The following NEBL variants were observed in gnomAD, a reference collection of about 807,000 sequenced individuals.
NEBL encodes nebulette.
Under a neutral mutation model 140.2 loss-of-function variants are expected in NEBL, and 122 were observed. The observed-to-expected ratio is 0.87, with a 90% CI of 0.75 to 1.01. The LOEUF is 1.01. Among genes scored for constraint, NEBL ranks in the 50% least tolerant of loss-of-function variants. The pLI is 0.00. For missense variants in NEBL, 1,365 were observed against 1,231.3 expected, an observed-to-expected ratio of 1.11 and a Z score of -1.62; for synonymous variants, 436 against 398.9, an observed-to-expected ratio of 1.09 and a Z score of -1.11.
intron 3 of NEBL, among the ~76,000 whole-genome samples, chr10:20,984,509 C>T (rs10508637): frequency 0.19 from 29,613 of 152,040 alleles, 3,307 homozygotes; most frequent in East Asian, 0.46. Flanking sequence ...CAGGTTTTGA[C>T]AATGAGATGT....
intron 4 of NEBL, among the ~76,000 whole-genome samples, chr10:20,944,588 T>G (rs1470193035): frequency 6.6e-6 from 1 of 152,180 alleles, no homozygotes; most frequent in Non-Finnish European, 1.5e-5. Flanking sequence ...GGCATACATA[T>G]TTATATGGGT....
At chr10:21,140,204 G>A (rs1394324100) in intron 2 of NEBL, among the ~76,000 whole-genome samples, 1 of 151,926 alleles carries the variant, frequency 6.6e-6, no homozygotes, top group Non-Finnish European at 1.5e-5. Flanking sequence ...TGTATGGAAT[G>A]GTTGAGAATC....
chr10:21,195,208 C>G (rs1841629308), intron 3 of NEBL, among the ~76,000 whole-genome samples: 1 of 152,156 alleles, frequency 6.6e-6, no homozygotes. Flanking sequence ...TCAGTAGATA[C>G]AGTCATCCTT....
chr10:21,221,017 G>A (rs12355581), intron 3 of NEBL, among the ~76,000 whole-genome samples: 21,377 of 152,044 alleles, frequency 0.14, 2,108 homozygotes, highest in African/African-American at 0.28. Flanking sequence ...TTAGCCAGGC[G>A]TAGTGGCATG....
At chr10:20,902,538 T>C (rs915383015) in intron 4 of NEBL, among the ~76,000 whole-genome samples, 1 of 151,938 alleles carries the variant, frequency 6.6e-6, no homozygotes, top group Non-Finnish European at 1.5e-5. Flanking sequence ...AAACTGGAAA[T>C]AGTATGGGGC....
At position 21,131,401 on chromosome 10, in the gene NEBL, A is replaced by G. The variant is rs11814556; in HGVS notation, c.164+40982T>C. ...CCTAACTCATTCTTACGACACCCTCATTGCCCTAATGCCAAAACCAGACCG... is the reference window on the plus strand; with the variant it reads ...CCTAACTCATTCTTACGACACCCTCGTTGCCCTAATGCCAAAACCAGACCG... On this transcript the variant is annotated intron_variant, in intron 2 of 6. Transcript: ENST00000417816. Among the ~76,000 whole-genome samples, 952 of 152,288 alleles carry G rather than the reference A, an allele frequency of 6.3e-3. 16 individuals are homozygous for G. The highest frequency in any genetic ancestry group is 0.019 in the African/African-American group (801 of 41,568).
intron 2 of NEBL, among the ~76,000 whole-genome samples, chr10:21,114,236 A>G (rs1838176029): frequency 6.6e-6 from 1 of 152,064 alleles, no homozygotes; most frequent in African/African-American, 2.4e-5. Flanking sequence ...GATTATCCAG[A>G]TATCTTTCTG....
At chr10:21,244,991 TAA>T (rs35172520) in intron 3 of NEBL, among the ~76,000 whole-genome samples, 20 of 118,260 alleles carry the variant, frequency 1.7e-4, no homozygotes, top group Middle Eastern at 6.7e-3. Context: ...ATGCTGTCTC[TAA>T]AAAAAAAAAA....
chr10:21,003,880 A>T (rs540083094), intron 3 of NEBL, among the ~76,000 whole-genome samples: 1 of 152,230 alleles, frequency 6.6e-6, no homozygotes, highest in Non-Finnish European at 1.5e-5. Flanking sequence ...TATGAAAGGG[A>T]ATAAAAAATA....
intron 3 of NEBL, among the ~76,000 whole-genome samples, chr10:20,970,759 C>G (rs1336720221): frequency 6.6e-6 from 1 of 152,132 alleles, no homozygotes; most frequent in African/African-American, 2.4e-5. Flanking sequence ...GTCCATTTCA[C>G]AGATGAAGGA....
chr10:21,022,208 C>T (rs1838826619), intron 2 of NEBL, among the ~76,000 whole-genome samples: 1 of 152,182 alleles, frequency 6.6e-6, no homozygotes, highest in South Asian at 2.1e-4. Flanking sequence ...CAAAGAACAT[C>T]CTCCCTGTTT....
intron 26 of NEBL, among the ~76,000 whole-genome samples, chr10:20,790,591 ACT>A (rs1835867413): frequency 6.7e-6 from 1 of 150,062 alleles, no homozygotes; most frequent in African/African-American, 2.5e-5. Flanking sequence ...ACAGAGTGAA[ACT>A]CTGTCTCAAA....
intron 4 of NEBL, among the ~76,000 whole-genome samples, chr10:20,918,360 A>C (rs1833409659): frequency 6.6e-6 from 1 of 152,030 alleles, no homozygotes; most frequent in Non-Finnish European, 1.5e-5. Context: ...TCTGTCTCAA[A>C]AAAAAGAATC....
chr10:20,957,398 C>T (rs1376705232), intron 4 of NEBL, among the ~76,000 whole-genome samples: 3 of 152,112 alleles, frequency 2.0e-5, no homozygotes, highest in African/African-American at 7.2e-5. Context: ...AAGTGTCACT[C>T]TTAGCTTTTC....
chr10:20,851,662 G>T (rs1842542390), intron 10 of NEBL, among the ~76,000 whole-genome samples: 1 of 151,340 alleles, frequency 6.6e-6, no homozygotes, highest in Non-Finnish European at 1.5e-5. Context: ...GCATGCACCT[G>T]TAATCTCTGC....
At chr10:21,047,688 G>A (rs1834583487) in intron 2 of NEBL, among the ~76,000 whole-genome samples, 1 of 152,088 alleles carries the variant, frequency 6.6e-6, no homozygotes, top group Admixed American at 6.6e-5. Context: ...AAAATAACCT[G>A]AACAACTATT....
chr10:20,862,226 T>C (rs950254922), intron 7 of NEBL, among the ~76,000 whole-genome samples: 2 of 152,228 alleles, frequency 1.3e-5, no homozygotes, highest in African/African-American at 4.8e-5. Flanking sequence ...GTTATTCATA[T>C]ATTTATATTA....
At chr10:20,979,864 G>C (rs1751509785) in intron 3 of NEBL, among the ~76,000 whole-genome samples, 1 of 151,836 alleles carries the variant, frequency 6.6e-6, no homozygotes, top group Non-Finnish European at 1.5e-5. Context: ...ATGCCACCAT[G>C]GTCATCTAAT....
intron 1 of NEBL, among the ~76,000 whole-genome samples, chr10:21,275,993 C>T (rs1369264172): frequency 1.6e-5 from 2 of 128,148 alleles, no homozygotes; most frequent in Admixed American, 8.5e-5. Flanking sequence ...TTTTTAAAGA[C>T]AGAGCCTCAC....
Sources: allele counts gnomAD v4.1 joint callset (sites outside exome capture counted in the v4.1 genomes callset), GRCh38; gene constraint gnomAD v4.1.1; transcripts MANE v1.5; gene names NCBI Gene and HGNC (gene_info 2026-07-23, HGNC 2026-07-21).